Variants in AQR observed in about 807,000 individuals in gnomAD.
AQR encodes RNA helicase aquarius.
Under a neutral mutation model 180.5 loss-of-function variants are expected in AQR, and 61 were observed. The ratio of observed to expected loss-of-function variants is 0.34; its 90% confidence interval spans 0.28 to 0.42. The LOEUF is 0.42. Ranked by LOEUF, AQR falls within the 10% of genes least tolerant of loss-of-function variation. The probability of loss-of-function intolerance (pLI) is 1.00; values close to 1 mark genes in which losing one functional copy is unlikely to be tolerated. For missense variants in AQR, 1,281 were observed against 1,798.3 expected (o/e 0.71, Z 5.20); for synonymous variants, 551 against 588.8 (o/e 0.94, Z 0.93).
At chr15:34,937,869 G>A (rs990127052) in intron 9 of AQR, among the ~76,000 whole-genome samples, 4 of 151,128 alleles carry the variant, frequency 2.6e-5, no homozygotes, top group African/African-American at 9.7e-5. Flanking sequence ...GGCTGACAGA[G>A]TGACACTCTG....
At chr15:34,961,297 C>T (rs2140508538) in intron 2 of AQR, among the ~76,000 whole-genome samples, 1 of 152,058 alleles carries the variant, frequency 6.6e-6, no homozygotes, top group Admixed American at 6.6e-5. Context: ...TGAGGGTGGG[C>T]AGAATGGTGT....
At position 34,900,689 on chromosome 15, in the gene AQR, C is replaced by T. The variant is rs1893318480; in HGVS notation, c.2176G>A (p.Ala726Thr). The change falls in exon 20 of 35, where the codon GCC becomes ACC. Residue 726 changes from alanine (A) to threonine (T), a missense_variant. Ala to Thr is a moderately conservative substitution (Grantham distance 58). Around this residue, in one of 9 missense-constraint regions of AQR, gnomAD observed 112 missense variants for 128.6 expected, o/e 0.87. Transcript: ENST00000156471. Reference sequence around the variant, plus strand: ...TTAACATTATGACCAGGGAAGCTGGCTTTTAAATGCTCAATGGAGAGAAAT... The same window carrying T: ...TTAACATTATGACCAGGGAAGCTGGTTTTTAAATGCTCAATGGAGAGAAAT... ...DTFLSIEHLK[A>T]SFPGHNVKVT... 1.9e-6 allele frequency: 3 copies of T among 1,614,138 alleles called. No individual in the cohort carries two copies. Among genetic ancestry groups the T allele is most frequent in the Non-Finnish European group, 2.5e-6 (3 of 1,180,014 alleles).
chr15:34,913,221 G>T (rs1207601742), intron 16 of AQR, among the ~76,000 whole-genome samples: 1 of 152,048 alleles, frequency 6.6e-6, no homozygotes, highest in Non-Finnish European at 1.5e-5. Context: ...CCAAGCAACC[G>T]CTAATCTACT....
At chr15:34,932,040 G>A (rs1893872519) in intron 11 of AQR, among the ~76,000 whole-genome samples, 1 of 152,152 alleles carries the variant, frequency 6.6e-6, no homozygotes, top group Admixed American at 6.5e-5. Flanking sequence ...ATGCTCATCA[G>A]CTACTATATT....
At chr15:34,933,459 CT>C (rs34956409) in intron 10 of AQR, among the ~76,000 whole-genome samples, 86,421 of 148,638 alleles carry the variant, frequency 0.58, 28,263 homozygotes, top group South Asian at 0.74. Context: ...AGTATGAAAT[CT>C]TTTTTTTTTT....
chr15:34,861,214 T>C (rs941719887), intron 33 of AQR, among the ~76,000 whole-genome samples: 1 of 152,232 alleles, frequency 6.6e-6, no homozygotes, highest in African/African-American at 2.4e-5. Flanking sequence ...TTCTCAGAAG[T>C]AAGCAGGATG....
At chr15:34,865,754 C>T (rs989003235) in intron 32 of AQR, among the ~76,000 whole-genome samples, 22 of 152,102 alleles carry the variant, frequency 1.4e-4, no homozygotes, top group Admixed American at 7.2e-4. Flanking sequence ...CTGATACATT[C>T]GACAACAATG....
chr15:34,949,412 C>CATCCT (rs760853306), intron 4 of AQR, among the ~76,000 whole-genome samples: 5 of 151,292 alleles, frequency 3.3e-5, no homozygotes, highest in Non-Finnish European at 5.9e-5. Context: ...AGATCGAGAC[C>CATCCT]ATCCTGGCCA....
intron 5 of AQR, chr15:34,948,037 C>G (rs1277926238): frequency 2.4e-6 from 1 of 416,470 alleles, no homozygotes; most frequent in Non-Finnish European, 4.2e-6. Context: ...AGAAAAATAA[C>G]TCACATTCAT....
chr15:34,901,436 G>A (rs1003387988), intron 19 of AQR, among the ~76,000 whole-genome samples: 1 of 152,146 alleles, frequency 6.6e-6, no homozygotes, highest in African/African-American at 2.4e-5. Flanking sequence ...AATTTCAGAA[G>A]GAAAGAATCA....
intron 27 of AQR, among the ~76,000 whole-genome samples, chr15:34,881,354 G>A (rs1046829816): frequency 1.1e-4 from 16 of 152,070 alleles, no homozygotes; most frequent in East Asian, 7.7e-4. Context: ...TTTATTTAGC[G>A]CCTATCTTTC....
chr15:34,879,886 G>C (rs545753388), intron 27 of AQR, among the ~76,000 whole-genome samples: 4 of 152,256 alleles, frequency 2.6e-5, no homozygotes, highest in African/African-American at 7.2e-5. Context: ...TCAAAAGTCT[G>C]TGTACAAAAC....
intron 30 of AQR, 110 bp from the exon 31 acceptor site, chr15:34,871,032 A>T (rs1431438502): frequency 4.0e-6 from 4 of 999,584 alleles, no homozygotes. Flanking sequence ...ACACTGCAAG[A>T]AGTGAAGACT....
Position 34,915,066 on chromosome 15 carries a change from C to T in AQR, c.1456G>A (p.Glu486Lys). 1 of 1,612,156 alleles carries T rather than the reference C, an allele frequency of 6.2e-7. No individual in the cohort carries two copies. Among genetic ancestry groups the T allele is most frequent in the Non-Finnish European group, 8.5e-7 (1 of 1,179,522 alleles). ...GGCTTCATTCTGCTGACACTATCTT[C>T]AATGTCCTGACGAATTTCATAAGTT... Reference protein sequence around the residue: ...ESTYEIRQDIEDSVSRMKPWQ... With the variant: ...ESTYEIRQDIKDSVSRMKPWQ... Residue 486 changes from glutamate to lysine, a missense_variant, in exon 16 of 35, where the codon GAA becomes AAA. Physicochemically the swap from Glu to Lys is moderately conservative, Grantham distance 56 (BLOSUM62 1). Coordinates refer to ENST00000156471, the MANE Select transcript of AQR (RefSeq NM_014691.3).
intron 9 of AQR, among the ~76,000 whole-genome samples, chr15:34,936,374 C>G (rs540540697): frequency 6.6e-6 from 1 of 152,312 alleles, no homozygotes; most frequent in East Asian, 1.9e-4. Context: ...CCTGTTAGTT[C>G]CTTTGCCAGC....
chr15:34,941,085 A>AT (rs1461677007), intron 7 of AQR, 86 bp from the exon 8 acceptor site: 3 of 871,540 alleles, frequency 3.4e-6, no homozygotes, highest in Non-Finnish European at 5.3e-6. Context: ...TAGTTTTCTA[A>AT]TATATGAGTA....
chr15:34,912,290 T>A (rs1893512486), intron 16 of AQR, among the ~76,000 whole-genome samples: 1 of 152,188 alleles, frequency 6.6e-6, no homozygotes, highest in Admixed American at 6.5e-5. Context: ...GCTTTTTATT[T>A]CAGCTTGGAG....
intron 2 of AQR, among the ~76,000 whole-genome samples, chr15:34,961,828 A>T (rs1032797896): frequency 6.6e-6 from 1 of 152,152 alleles, no homozygotes; most frequent in Admixed American, 6.5e-5. Context: ...AAACTACCAC[A>T]CAGGGTTACT....
In AQR at chr15:34,866,769, AT is replaced by A. The variant is rs758324645; in HGVS notation, c.3854+754del. Among the ~76,000 whole-genome samples the A allele has an allele frequency of 1.7e-3, 260 of 152,254 alleles. 1 individual carries two copies. The highest frequency in any genetic ancestry group is 8.2e-4 in the Non-Finnish European group (56 of 67,978). On this transcript the variant is annotated intron_variant, in intron 32 of 34. Coordinates refer to ENST00000156471, the MANE Select transcript of AQR (RefSeq NM_014691.3). ...TAATATGCAAAAACAAACTTCTAGT[AT>A]GCAAAACAATTTTTTAAAACATTAC...
Sources: allele counts gnomAD v4.1 joint callset (sites outside exome capture counted in the v4.1 genomes callset), GRCh38; gene constraint gnomAD v4.1.1; regional missense constraint gnomAD v4.1.1; transcripts MANE v1.5; gene names NCBI Gene and HGNC (gene_info 2026-07-23, HGNC 2026-07-21).